PLXDC2: variants seen among roughly 807,000 people sequenced by gnomAD.
The protein encoded by PLXDC2 is plexin domain-containing protein 2.
Under a neutral mutation model 68.9 loss-of-function variants are expected in PLXDC2, and 40 were observed. The ratio of observed to expected loss-of-function variants is 0.58; its 90% CI spans 0.45 to 0.76. PLXDC2 has a LOEUF of 0.76. PLXDC2 is among the 30% of genes least tolerant of loss of function. The pLI, the probability that PLXDC2 is intolerant of heterozygous loss-of-function variation, is 0.00. For synonymous variants in PLXDC2, 243 were observed against 234.2 expected (o/e 1.04, Z -0.34); for missense variants, 644 against 661.9 (o/e 0.97, Z 0.30).
At chr10:19,962,051 G>A (rs968821094) in intron 1 of PLXDC2, among the ~76,000 whole-genome samples, 8 of 152,052 alleles carry the variant, frequency 5.3e-5, no homozygotes, top group Admixed American at 4.6e-4. Flanking sequence ...TTTTAGTGAC[G>A]ATATTTATTT....
At chr10:20,143,188 TGAC>T (rs1834029072) in intron 4 of PLXDC2, 104 bp from the exon 5 acceptor site, 1 of 1,184,284 alleles carries the variant, frequency 8.4e-7, no homozygotes, top group Non-Finnish European at 1.2e-6. Flanking sequence ...CCAGCTACCA[TGAC>T]ATTTTATTTT....
chr10:20,272,449 G>GA (rs201318698), intron 13 of PLXDC2, among the ~76,000 whole-genome samples: 1,866 of 149,882 alleles, frequency 0.012, 38 homozygotes, highest in African/African-American at 0.041. Flanking sequence ...GTCAAAAAAG[G>GA]AAAAAAAAAA....
chr10:19,982,043 A>G (rs921623285), intron 1 of PLXDC2, among the ~76,000 whole-genome samples: 1 of 152,214 alleles, frequency 6.6e-6, no homozygotes, highest in South Asian at 2.1e-4. Context: ...TGCTCTTATC[A>G]TTAGTCCAGA....
intron 1 of PLXDC2, among the ~76,000 whole-genome samples, chr10:19,974,601 T>C (rs913969966): frequency 4.6e-5 from 7 of 152,028 alleles, no homozygotes; most frequent in African/African-American, 1.7e-4. Context: ...AACAGATGAG[T>C]ATACAATTAG....
chr10:20,223,725 A>G (rs932570822), intron 12 of PLXDC2, among the ~76,000 whole-genome samples: 4 of 152,196 alleles, frequency 2.6e-5, no homozygotes, highest in African/African-American at 9.6e-5. Flanking sequence ...AGTATTTGAA[A>G]GTGAAATTTC....
intron 4 of PLXDC2, among the ~76,000 whole-genome samples, chr10:20,074,561 A>C (rs1564305517): frequency 6.6e-6 from 1 of 152,112 alleles, no homozygotes; most frequent in African/African-American, 2.4e-5. Context: ...AAAAATATTA[A>C]TGCATTTTAT....
At chr10:20,239,317 G>C (rs1835482862) in intron 12 of PLXDC2, among the ~76,000 whole-genome samples, 1 of 152,154 alleles carries the variant, frequency 6.6e-6, no homozygotes, top group African/African-American at 2.4e-5. Context: ...ACTAGACTCT[G>C]ATGAGCTTTG....
rs547269382 is a variant in PLXDC2, at chr10:20,237,340, G to A, written c.1313-8005G>A. On this transcript the variant is annotated intron_variant, in intron 12 of 13. Transcript: ENST00000377252. ...TGGAATAATATTGACAGGCCGGTAA[G>A]CATTTTAAAAAAAATAGTATCACTG... 4.3e-4 allele frequency among the ~76,000 whole-genome samples: 66 copies of A among 152,046 alleles called. 1 individual carries two copies. The South Asian group carries it at 0.014, about 32-fold the overall frequency.
chr10:20,064,910 GTT>G (rs11342889), intron 3 of PLXDC2, among the ~76,000 whole-genome samples: 5 of 151,666 alleles, frequency 3.3e-5, no homozygotes, highest in Admixed American at 6.6e-5. Flanking sequence ...TGTTTGTTTG[GTT>G]TTTTTTTCTC....
chr10:19,860,907 G>A (rs7906761), intron 1 of PLXDC2, among the ~76,000 whole-genome samples: 79,878 of 151,536 alleles, frequency 0.53, 21,020 homozygotes, highest in East Asian at 0.69. Flanking sequence ...GGCTTGTCAA[G>A]GTCTGGTAAT....
At position 20,143,335 on chromosome 10, in the gene PLXDC2, A is replaced by T. The variant is rs1453140728; in HGVS notation, c.582A>T (p.Thr194=). 1.2e-6 allele frequency: 2 copies of T among 1,613,198 alleles called. No homozygotes were observed. Among genetic ancestry groups the T allele is most frequent in the South Asian group, 2.2e-5 (2 of 91,048 alleles). The change falls in exon 5 of 14, where the codon ACA becomes ACT. Residue 194 remains threonine, a synonymous_variant. Coordinates refer to ENST00000377252, the MANE Select transcript of PLXDC2 (RefSeq NM_032812.9). ...YTGEVVHRML[T]ATQYIAPLMA... is the part of the protein sequence containing the mutation. The stretch of plus-strand genomic sequence containing the variant: ...GAGAAGTCGTACATCGAATGCTAAC[A>T]GCCACACAGTACATAGCACCTTTAA...
At chr10:20,257,537 AC>A (rs1835757455) in intron 13 of PLXDC2, among the ~76,000 whole-genome samples, 1 of 152,226 alleles carries the variant, frequency 6.6e-6, no homozygotes, top group Non-Finnish European at 1.5e-5. Flanking sequence ...GGAAATGACC[AC>A]AGCCCTTTTA....
intron 1 of PLXDC2, among the ~76,000 whole-genome samples, chr10:19,916,384 G>C (rs552621740): frequency 2.7e-5 from 4 of 150,836 alleles, no homozygotes; most frequent in Admixed American, 6.6e-5. Context: ...CCTGACCTCA[G>C]GTGATCCGCC....
rs546199514 is a variant in PLXDC2, at chr10:20,127,661, T to A, written c.542-15634T>A. Among the ~76,000 whole-genome samples, 301 of 152,270 alleles carry A rather than the reference T, an allele frequency of 2.0e-3. 1 individual carries two copies. The highest frequency in any genetic ancestry group is 0.012 in the South Asian group (57 of 4,820). On this transcript the variant is annotated intron_variant, in intron 4 of 13. Transcript: ENST00000377252. Reference sequence around the variant, plus strand: ...GGGCTGTTTCTGGACATTTTAAAAATGGATTTCAAATGATAATTTTTAAGT... The same window carrying A: ...GGGCTGTTTCTGGACATTTTAAAAAAGGATTTCAAATGATAATTTTTAAGT...
chr10:20,276,674 C>A (rs1376745006), intron 13 of PLXDC2, among the ~76,000 whole-genome samples: 1 of 152,080 alleles, frequency 6.6e-6, no homozygotes, highest in Non-Finnish European at 1.5e-5. Context: ...ACCCTGTGGC[C>A]TTGATGAGTT....
chr10:20,140,992 G>A (rs564797705), intron 4 of PLXDC2, among the ~76,000 whole-genome samples: 8 of 151,970 alleles, frequency 5.3e-5, no homozygotes, highest in Admixed American at 2.0e-4. Flanking sequence ...TGTAGCAACC[G>A]TAATACTCAT....
chr10:19,968,417 A>T (rs540285371), intron 1 of PLXDC2, among the ~76,000 whole-genome samples: 1 of 152,214 alleles, frequency 6.6e-6, no homozygotes, highest in Admixed American at 6.5e-5. Context: ...GGTTCAACTG[A>T]TTCTCCAGCC....
chr10:19,856,365 A>AACACAC (rs1026568869), intron 1 of PLXDC2, among the ~76,000 whole-genome samples: 74 of 132,036 alleles, frequency 5.6e-4, no homozygotes, highest in African/African-American at 2.1e-3. Flanking sequence ...TACACACACA[A>AACACAC]ACACACACAC....
At chr10:20,129,266 T>G (rs1833832712) in intron 4 of PLXDC2, among the ~76,000 whole-genome samples, 1 of 152,160 alleles carries the variant, frequency 6.6e-6, no homozygotes, top group African/African-American at 2.4e-5. Flanking sequence ...ATTGGGTATT[T>G]GTGTGTTTTC....
Sources: gnomAD v4.1 joint callset for allele counts (sites outside exome capture counted in the v4.1 genomes callset) on GRCh38, gnomAD v4.1.1 for gene constraint, MANE v1.5 for transcripts, NCBI Gene and HGNC (gene_info 2026-07-23, HGNC 2026-07-21) for gene names.